Variants in DSCAM observed in about 807,000 individuals in gnomAD.
The protein encoded by DSCAM is cell adhesion molecule DSCAM.
DSCAM carries 47 observed loss-of-function variants against 217.7 expected under a neutral mutation model. The ratio of observed to expected loss-of-function variants is 0.22; its 90% CI spans 0.17 to 0.28. The LOEUF is 0.28. Ranked by LOEUF, DSCAM falls within the 10% of genes least tolerant of loss-of-function variation. The pLI is 1.00. For missense variants in DSCAM, 2,080 were observed against 2,618.3 expected, an observed-to-expected ratio of 0.79 and a Z score of 4.49; for synonymous variants, 1,056 against 1,015.3, an observed-to-expected ratio of 1.04 and a Z score of -0.76.
chr21:40,572,781 T>C (rs1387071389), intron 3 of DSCAM, among the ~76,000 whole-genome samples: 1 of 152,218 alleles, frequency 6.6e-6, no homozygotes, highest in Non-Finnish European at 1.5e-5. Context: ...AAAGGAAGAA[T>C]GTTGCTTTTG....
intron 32 of DSCAM, among the ~76,000 whole-genome samples, chr21:40,036,969 C>G (rs79388963): frequency 0.47 from 71,076 of 150,090 alleles, 18,029 homozygotes; most frequent in East Asian, 0.63. Flanking sequence ...TTCAACAACC[C>G]TTCATGCTAA....
At chr21:40,748,359 GAACT>G (rs1368223287) in intron 1 of DSCAM, among the ~76,000 whole-genome samples, 4 of 151,372 alleles carry the variant, frequency 2.6e-5, no homozygotes, top group African/African-American at 7.3e-5. Context: ...AAAAATATTA[GAACT>G]AATAAATGAA....
intron 11 of DSCAM, among the ~76,000 whole-genome samples, chr21:40,247,834 C>G (rs938307458): frequency 2.0e-5 from 3 of 152,258 alleles, no homozygotes; most frequent in Admixed American, 2.0e-4. Flanking sequence ...CCCTTTGACA[C>G]TGCCCTAGCA....
chr21:40,702,819 T>C (rs183126101), intron 2 of DSCAM, among the ~76,000 whole-genome samples: 17 of 152,304 alleles, frequency 1.1e-4, no homozygotes, highest in African/African-American at 3.8e-4. Context: ...TTTTGTAGTA[T>C]ACATTTGTAA....
At position 40,629,014 on chromosome 21, in the gene DSCAM, T is replaced by C. The variant is rs562549159; in HGVS notation, c.508+63796A>G. ...TGCCGGCCTCGGCCTCCCTGGCCACTGCACCCAGCCCTATATATCTATCTT... is the reference window on the plus strand; with the variant it reads ...TGCCGGCCTCGGCCTCCCTGGCCACCGCACCCAGCCCTATATATCTATCTT... On this transcript the variant is annotated intron_variant, in intron 3 of 32. Coordinates refer to ENST00000400454, the MANE Select transcript of DSCAM (RefSeq NM_001389.5). 2.6e-5 allele frequency among the ~76,000 whole-genome samples: 4 copies of C among 152,118 alleles called. No individual in the cohort carries two copies. The East Asian group carries it at 5.8e-4, about 22-fold the overall frequency.
intron 16 of DSCAM, among the ~76,000 whole-genome samples, chr21:40,146,229 G>C (rs1232966584): frequency 6.6e-6 from 1 of 151,558 alleles, no homozygotes. Flanking sequence ...GGTCTGAAGT[G>C]GTGGGAAGAC....
chr21:40,403,629 G>GCGCACACACACACACA (rs374617687), intron 3 of DSCAM, among the ~76,000 whole-genome samples: 19 of 145,788 alleles, frequency 1.3e-4, no homozygotes, highest in African/African-American at 4.9e-4. Context: ...GCATGCATGT[G>GCGCACACACACACACA]CACACACACA....
intron 3 of DSCAM, among the ~76,000 whole-genome samples, chr21:40,540,236 C>T (rs527924415): frequency 1.8e-4 from 27 of 152,220 alleles, no homozygotes; most frequent in African/African-American, 5.5e-4. Flanking sequence ...TTCATTAATC[C>T]ATTCACTAAA....
chr21:40,409,092 T>G (rs2075301733), intron 3 of DSCAM, among the ~76,000 whole-genome samples: 1 of 152,182 alleles, frequency 6.6e-6, no homozygotes, highest in Non-Finnish European at 1.5e-5. Flanking sequence ...TTTAAATACC[T>G]AAGGGTGTAT....
At chr21:40,586,338 A>T (rs1376349690) in intron 3 of DSCAM, among the ~76,000 whole-genome samples, 1 of 152,214 alleles carries the variant, frequency 6.6e-6, no homozygotes, top group South Asian at 2.1e-4. Flanking sequence ...ACCCAGTCTC[A>T]CGTAATCCTT....
intron 1 of DSCAM, among the ~76,000 whole-genome samples, chr21:40,818,048 A>G (rs1206446774): frequency 7.6e-6 from 1 of 131,176 alleles, no homozygotes; most frequent in African/African-American, 2.9e-5. Flanking sequence ...GTGAGCCGAG[A>G]TTGCGCCACT....
At chr21:40,765,582 G>T (rs1184927563) in intron 1 of DSCAM, among the ~76,000 whole-genome samples, 1 of 152,108 alleles carries the variant, frequency 6.6e-6, no homozygotes, top group South Asian at 2.1e-4. Context: ...AGAAGCAATG[G>T]GGGAGGGATG....
chr21:40,565,581 C>G (rs1042320574), intron 3 of DSCAM, among the ~76,000 whole-genome samples: 4 of 152,136 alleles, frequency 2.6e-5, no homozygotes, highest in African/African-American at 7.2e-5. Context: ...CTGTCCCTAC[C>G]TTCTAAATAG....
At chr21:40,239,622 C>T (rs1485917439) in intron 11 of DSCAM, among the ~76,000 whole-genome samples, 2 of 152,178 alleles carry the variant, frequency 1.3e-5, no homozygotes, top group African/African-American at 4.8e-5. Context: ...AGTAATTGAA[C>T]ATAAGTGCCT....
chr21:40,770,967 C>T (rs2091439000), intron 1 of DSCAM, among the ~76,000 whole-genome samples: 1 of 152,104 alleles, frequency 6.6e-6, no homozygotes, highest in African/African-American at 2.4e-5. Context: ...TGGAAACTTC[C>T]AGGAGATTTA....
chr21:40,662,874 G>A (rs542485184), intron 3 of DSCAM, among the ~76,000 whole-genome samples: 2 of 152,260 alleles, frequency 1.3e-5, no homozygotes, highest in Admixed American at 6.5e-5. Flanking sequence ...CAGCGACGCA[G>A]TCCATCAAAC....
intron 3 of DSCAM, among the ~76,000 whole-genome samples, chr21:40,378,090 C>T (rs1029872862): frequency 2.0e-5 from 3 of 152,122 alleles, no homozygotes; most frequent in Admixed American, 6.5e-5. Context: ...GAACACTCCA[C>T]GTCATTACCA....
At chr21:40,155,946 G>T (rs1400988285) in intron 16 of DSCAM, among the ~76,000 whole-genome samples, 1 of 152,062 alleles carries the variant, frequency 6.6e-6, no homozygotes, top group Admixed American at 6.6e-5. Context: ...CCAAGGCAGG[G>T]AGCCAAGCCA....
chr21:40,617,815 A>C (rs2089424848), intron 3 of DSCAM, among the ~76,000 whole-genome samples: 1 of 152,226 alleles, frequency 6.6e-6, no homozygotes, highest in African/African-American at 2.4e-5. Flanking sequence ...AGCTACAAGC[A>C]CATCTAGAAA....
Sources: allele counts gnomAD v4.1 joint callset (sites outside exome capture counted in the v4.1 genomes callset), GRCh38; gene constraint gnomAD v4.1.1; transcripts MANE v1.5; gene names NCBI Gene and HGNC (gene_info 2026-07-23, HGNC 2026-07-21).